Variants in ANK3 observed in about 807,000 individuals in gnomAD.
ANK3 encodes the protein ankyrin 3.
In ANK3, 57 loss-of-function variants were observed where a neutral mutation model predicts 370.9. That is an observed-to-expected ratio of 0.15 (90% CI 0.12 to 0.19). The LOEUF (loss-of-function observed/expected upper bound fraction) is 0.19. Among genes scored for constraint, ANK3 ranks in the 10% least tolerant of loss-of-function variants. ANK3 has a pLI of 1.00. For synonymous variants in ANK3, 1,929 were observed against 1,946.3 expected (o/e 0.99, Z 0.23); for missense variants, 4,439 against 5,302.1 (o/e 0.84, Z 5.06).
At chr10:60,443,293 G>A (rs2133014364) in intron 2 of ANK3, among the ~76,000 whole-genome samples, 1 of 152,258 alleles carries the variant, frequency 6.6e-6, no homozygotes, top group South Asian at 2.1e-4. Context: ...AATAAAATGT[G>A]TGTGTGTGTG....
chr10:60,727,387 A>T (rs541311540), intron 1 of ANK3, among the ~76,000 whole-genome samples: 1 of 152,306 alleles, frequency 6.6e-6, no homozygotes, highest in South Asian at 2.1e-4. Flanking sequence ...AAACTCATCT[A>T]TAGTGAAAGA....
chr10:60,037,908 C>T (rs1325494218), intron 43 of ANK3, among the ~76,000 whole-genome samples: 3 of 152,196 alleles, frequency 2.0e-5, no homozygotes, highest in Non-Finnish European at 4.4e-5. Context: ...TGCACTCCCA[C>T]CAATAGTGTA....
intron 43 of ANK3, among the ~76,000 whole-genome samples, chr10:60,032,185 A>G (rs2131833295): frequency 1.2e-5 from 1 of 85,334 alleles, no homozygotes; most frequent in South Asian, 3.7e-4. Flanking sequence ...TATTATAAAT[A>G]CACAGCTTCT....
At position 60,047,263 on chromosome 10, in the gene ANK3, C is replaced by CATTAAT. The variant is rs1589219834; in HGVS notation, c.13066-4505_13066-4504insATTAAT. On this transcript the variant is annotated intron_variant, in intron 42 of 43. Coordinates refer to ENST00000280772, the MANE Select transcript of ANK3 (RefSeq NM_020987.5). ...TATAGCACATGTGGTGTTACATTTT[C>CATTAAT]ACCTCTGGTGACGGTATTAATGAAA... Among the ~76,000 whole-genome samples the CATTAAT allele has an allele frequency of 2.6e-5, 4 of 152,286 alleles. No homozygotes were observed. In the East Asian group the frequency reaches 5.8e-4, roughly 22 times the overall value.
Position 60,670,286 on chromosome 10 carries a change from C to A in ANK3, c.58-55062G>T, listed in dbSNP as rs151294253. ...TCGACCTCCTAATTTTCCCTCCAAGCCAGTTCCTCCACCCTCCCCTGCTAG... is the reference window on the plus strand; with the variant it reads ...TCGACCTCCTAATTTTCCCTCCAAGACAGTTCCTCCACCCTCCCCTGCTAG... On this transcript the variant is annotated intron_variant, in intron 1 of 43. Coordinates refer to the ANK3 transcript ENST00000373827. Among the ~76,000 whole-genome samples, 3 of 152,248 alleles carry A rather than the reference C, an allele frequency of 2.0e-5. No individual in the cohort carries two copies. The East Asian group carries it at 5.8e-4, about 29-fold the overall frequency.
At position 60,646,757 on chromosome 10, in the gene ANK3, G is replaced by A. The variant is rs148557655; in HGVS notation, c.58-31533C>T. 7.3e-3 allele frequency among the ~76,000 whole-genome samples: 1,107 copies of A among 152,274 alleles called. 3 individuals carry two copies. Among genetic ancestry groups the A allele is most frequent in the Non-Finnish European group, 0.011 (720 of 68,020 alleles). ...AATGACTATTAAGCAGTTACTGCTG[G>A]AAAAGGAAGGGAAAATGTGAAAATG... is the stretch of plus-strand genomic sequence containing the variant. On this transcript the variant is annotated intron_variant, in intron 1 of 43. Transcript: ENST00000373827.
chr10:60,501,436 G>A (rs1035338930), intron 2 of ANK3, among the ~76,000 whole-genome samples: 9 of 152,144 alleles, frequency 5.9e-5, no homozygotes, highest in Non-Finnish European at 1.0e-4. Flanking sequence ...CGGGTGCAGC[G>A]GCTCACGCCT....
chr10:60,065,629 AAT>A (rs2081489298), intron 38 of ANK3, among the ~76,000 whole-genome samples: 1 of 152,220 alleles, frequency 6.6e-6, no homozygotes, highest in Non-Finnish European at 1.5e-5. Context: ...GATAAGAGTT[AAT>A]TTAAGGCAGT....
chr10:60,367,226 G>C (rs998564662), intron 1 of ANK3, among the ~76,000 whole-genome samples: 1 of 152,142 alleles, frequency 6.6e-6, no homozygotes, highest in African/African-American at 2.4e-5. Flanking sequence ...CCTACCAAAT[G>C]GGAGCTTGGC....
intron 2 of ANK3, among the ~76,000 whole-genome samples, chr10:60,519,852 T>A (rs542370517): frequency 3.5e-4 from 53 of 152,212 alleles, no homozygotes; most frequent in African/African-American, 1.2e-3. Flanking sequence ...ACATCAGAGA[T>A]GATGGTTTGT....
chr10:60,411,419 G>A (rs918306182), intron 2 of ANK3, among the ~76,000 whole-genome samples: 9 of 152,166 alleles, frequency 5.9e-5, no homozygotes, highest in African/African-American at 2.2e-4. Context: ...TTTCTTGATG[G>A]TTCTTTTGTG....
At chr10:60,565,014 C>T (rs771099613) in intron 2 of ANK3, among the ~76,000 whole-genome samples, 1 of 152,050 alleles carries the variant, frequency 6.6e-6, no homozygotes, top group Non-Finnish European at 1.5e-5. Flanking sequence ...ACTCAAGGGA[C>T]CAAGTCTTCA....
At chr10:60,605,955 G>T (rs573595061) in intron 2 of ANK3, among the ~76,000 whole-genome samples, 3 of 152,080 alleles carry the variant, frequency 2.0e-5, no homozygotes, top group Non-Finnish European at 2.9e-5. Flanking sequence ...GTGCCATATT[G>T]GTACTGACAA....
intron 7 of ANK3, among the ~76,000 whole-genome samples, chr10:60,243,040 T>C (rs111310316): frequency 9.3e-4 from 141 of 152,322 alleles, no homozygotes; most frequent in African/African-American, 3.3e-3. Context: ...TTTTGCATTT[T>C]TGGAGCACCT....
At chr10:60,214,191 T>C (rs2096899276) in intron 8 of ANK3, among the ~76,000 whole-genome samples, 1 of 152,132 alleles carries the variant, frequency 6.6e-6, no homozygotes, top group Non-Finnish European at 1.5e-5. Context: ...GACTAGTTTA[T>C]GTATCTGCTA....
intron 8 of ANK3, 71 bp from the exon 9 acceptor site, chr10:60,213,581 G>T: frequency 1.1e-6 from 1 of 945,372 alleles, no homozygotes; most frequent in Non-Finnish European, 1.6e-6. Flanking sequence ...ACTTCTTCAA[G>T]ATCCAGCATG....
chr10:60,319,073 C>A (rs2048074292), intron 1 of ANK3, among the ~76,000 whole-genome samples: 1 of 152,158 alleles, frequency 6.6e-6, no homozygotes, highest in African/African-American at 2.4e-5. Flanking sequence ...CTACAGAAGA[C>A]TGATGAGCTG....
intron 43 of ANK3, among the ~76,000 whole-genome samples, chr10:60,032,299 C>T (rs939202004): frequency 6.1e-5 from 9 of 148,042 alleles, no homozygotes; most frequent in Admixed American, 1.4e-4. Flanking sequence ...CTCCGCCTCC[C>T]GGGTTCAAGC....
At chr10:60,101,971 G>C (rs1026182999) in intron 28 of ANK3, among the ~76,000 whole-genome samples, 8 of 151,982 alleles carry the variant, frequency 5.3e-5, no homozygotes, top group East Asian at 1.9e-4. Flanking sequence ...GAGCAGTGCA[G>C]AGAGACAACT....
Sources: allele counts gnomAD v4.1 joint callset (sites outside exome capture counted in the v4.1 genomes callset), GRCh38; gene constraint gnomAD v4.1.1; transcripts MANE v1.5; gene names NCBI Gene and HGNC (gene_info 2026-07-23, HGNC 2026-07-21).